Variants in TUSC3 observed in about 807,000 individuals in gnomAD.
TUSC3 encodes dolichyl-diphosphooligosaccharide--protein glycosyltransferase subunit TUSC3.
A neutral mutation model predicts 44.8 loss-of-function variants in TUSC3; 45 were observed. That is an observed-to-expected ratio of 1.00 (90% CI 0.79 to 1.29). The LOEUF (loss-of-function observed/expected upper bound fraction) is 1.29, where lower values mean the gene tolerates loss of function less well. TUSC3 is among the 50% of genes most tolerant of loss of function. The pLI is 0.00. For missense variants in TUSC3, 519 were observed against 437.9 expected (o/e 1.19, Z -1.65); for synonymous variants, 212 against 152.9 (o/e 1.39, Z -2.85).
At chr8:15,499,645 G>T (rs1800931579) in intron 2 of TUSC3, among the ~76,000 whole-genome samples, 1 of 152,106 alleles carries the variant, frequency 6.6e-6, no homozygotes, top group Non-Finnish European at 1.5e-5. Flanking sequence ...CTGGTCCACG[G>T]GGTGCTTAGA....
chr8:15,495,749 C>G (rs1333247237), intron 2 of TUSC3, among the ~76,000 whole-genome samples: 2 of 152,136 alleles, frequency 1.3e-5, no homozygotes, highest in Non-Finnish European at 1.5e-5. Context: ...GGCTCCATGT[C>G]CAAAAACTGG....
intron 1 of TUSC3, among the ~76,000 whole-genome samples, chr8:15,473,065 A>G (rs1800516294): frequency 6.6e-6 from 1 of 152,312 alleles, no homozygotes; most frequent in East Asian, 1.9e-4. Flanking sequence ...AGTTGGATGG[A>G]AAATATCTCA....
At chr8:15,779,706 T>A in the TUSC3 span, among the ~76,000 whole-genome samples, 2 of 152,220 alleles carry the variant, frequency 1.3e-5, no homozygotes, top group South Asian at 2.1e-4. Flanking sequence ...TTGCGTGTTT[T>A]TAAAAAGATC....
chr8:15,700,223 C>G (rs1358289916), intron 6 of TUSC3, among the ~76,000 whole-genome samples: 3 of 152,148 alleles, frequency 2.0e-5, no homozygotes, highest in Non-Finnish European at 4.4e-5. Flanking sequence ...TTCCACCAGA[C>G]AGACTCACAC....
At chr8:15,652,877 G>A (rs1806977534) in intron 3 of TUSC3, among the ~76,000 whole-genome samples, 1 of 152,112 alleles carries the variant, frequency 6.6e-6, no homozygotes, top group African/African-American at 2.4e-5. Context: ...AGGGAGTTGG[G>A]TTAGTTTAGT....
Position 15,456,436 on chromosome 8 carries a change from T to A in TUSC3, n.92-26950T>A, listed in dbSNP as rs577075122. 8.6e-4 allele frequency among the ~76,000 whole-genome samples: 131 copies of A among 152,020 alleles called. 1 individual carries two copies. The highest frequency in any genetic ancestry group is 1.3e-3 in the Non-Finnish European group (85 of 67,952). On this transcript the variant is annotated intron_variant and non_coding_transcript_variant, in intron 1 of 5. Coordinates refer to the TUSC3 transcript ENST00000503191. ...CCAATTTAAAATGTATTTGGAAACGTAAAGAGATAATAATAGCCAAGACAC... is the reference window on the plus strand; with the variant it reads ...CCAATTTAAAATGTATTTGGAAACGAAAAGAGATAATAATAGCCAAGACAC...
At chr8:15,699,550 C>T (rs1429396230) in intron 6 of TUSC3, among the ~76,000 whole-genome samples, 1 of 152,084 alleles carries the variant, frequency 6.6e-6, no homozygotes, top group African/African-American at 2.4e-5. Flanking sequence ...GCTGTTTGCT[C>T]CAGGAAAAAG....
At chr8:15,602,663 TA>T (rs1804336989) in intron 1 of TUSC3, among the ~76,000 whole-genome samples, 1 of 96,518 alleles carries the variant, frequency 1.0e-5, no homozygotes, top group Non-Finnish European at 2.2e-5. Flanking sequence ...TTAAAATATT[TA>T]TATGTGTGTG....
intron 2 of TUSC3, among the ~76,000 whole-genome samples, chr8:15,527,089 G>T (rs73665430): frequency 6.6e-6 from 1 of 152,132 alleles, no homozygotes; most frequent in African/African-American, 2.4e-5. Flanking sequence ...GTAACAAAAT[G>T]TTTACTATAA....
intron 6 of TUSC3, among the ~76,000 whole-genome samples, chr8:15,701,562 T>A (rs1809407701): frequency 6.6e-6 from 1 of 152,148 alleles, no homozygotes; most frequent in Non-Finnish European, 1.5e-5. Context: ...TAGAAGTAGA[T>A]GCATAGAGAT....
In TUSC3 at chr8:15,475,394, A is replaced by G. The variant is rs190987798; in HGVS notation, n.92-7992A>G. The stretch of plus-strand genomic sequence containing the variant: ...TTATACAGTTAGGGCAGTATTAGAG[A>G]TCTTTTTAAGTAGTCTCATTTTTAG... On this transcript the variant is annotated intron_variant and non_coding_transcript_variant, in intron 1 of 5. Transcript: ENST00000503191. Among the ~76,000 whole-genome samples, 5 of 152,244 alleles carry G rather than the reference A, an allele frequency of 3.3e-5. No homozygotes were observed. The East Asian group carries it at 7.7e-4, about 24-fold the overall frequency.
At chr8:15,530,320 A>G (rs914601667) in intron 2 of TUSC3, among the ~76,000 whole-genome samples, 8 of 152,034 alleles carry the variant, frequency 5.3e-5, no homozygotes, top group Non-Finnish European at 1.0e-4. Context: ...TCCTGTGTTT[A>G]CCCTAGTGTC....
At chr8:15,485,529 C>T (rs1057491982) in intron 2 of TUSC3, among the ~76,000 whole-genome samples, 3 of 144,134 alleles carry the variant, frequency 2.1e-5, no homozygotes, top group Non-Finnish European at 4.5e-5. Flanking sequence ...GGGCCACTTG[C>T]ATTCTCTGCT....
At chr8:15,675,962 G>A (rs879926222) in intron 6 of TUSC3, among the ~76,000 whole-genome samples, 10 of 152,028 alleles carry the variant, frequency 6.6e-5, no homozygotes, top group African/African-American at 1.7e-4. Flanking sequence ...GCAATGGATC[G>A]CTGGGTCGAA....
chr8:15,445,609 T>A (rs1800086345), intron 1 of TUSC3, among the ~76,000 whole-genome samples: 1 of 152,230 alleles, frequency 6.6e-6, no homozygotes, highest in African/African-American at 2.4e-5. Flanking sequence ...ACACAGCACA[T>A]GTTTCAGAGA....
At chr8:15,693,489 A>C (rs182162546) in intron 6 of TUSC3, among the ~76,000 whole-genome samples, 181 of 132,024 alleles carry the variant, frequency 1.4e-3, no homozygotes, top group African/African-American at 5.0e-3. Context: ...TATAGGTTGA[A>C]TCTCTCCTGG....
intron 2 of TUSC3, among the ~76,000 whole-genome samples, chr8:15,485,827 T>C (rs961130811): frequency 4.6e-5 from 7 of 152,138 alleles, no homozygotes; most frequent in Non-Finnish European, 7.4e-5. Flanking sequence ...AGTTTCACTC[T>C]TGTTGCCCAG....
the TUSC3 span, among the ~76,000 whole-genome samples, chr8:15,777,342 G>A: frequency 2.0e-5 from 3 of 152,112 alleles, no homozygotes; most frequent in Admixed American, 6.5e-5. Flanking sequence ...GTGTGCCTCA[G>A]CAACTTTCCT....
intron 1 of TUSC3, among the ~76,000 whole-genome samples, chr8:15,603,711 T>C (rs975739897): frequency 4.0e-5 from 6 of 151,546 alleles, no homozygotes; most frequent in Admixed American, 1.3e-4. Flanking sequence ...TCTTGAGATA[T>C]CAGCAATGAA....
Sources: allele counts gnomAD v4.1 joint callset (sites outside exome capture counted in the v4.1 genomes callset), GRCh38; gene constraint gnomAD v4.1.1; transcripts MANE v1.5; gene names NCBI Gene and HGNC (gene_info 2026-07-23, HGNC 2026-07-21).